Variants in GALNT16 observed in about 807,000 individuals in gnomAD.
GALNT16 encodes polypeptide N-acetylgalactosaminyltransferase 16, also known as UDP-GalNAc:polypeptide N-acetylgalactosaminyltransferase-like protein 1.
A neutral mutation model predicts 76.1 loss-of-function variants in GALNT16; 40 were observed. That is an observed-to-expected ratio of 0.53 (90% CI 0.41 to 0.68). The LOEUF is 0.68. Among genes scored for constraint, GALNT16 ranks in the 30% least tolerant of loss-of-function variants. The probability of loss-of-function intolerance (pLI) is 0.00; values close to 1 mark genes in which losing one functional copy is unlikely to be tolerated. For missense variants in GALNT16, 621 were observed against 731.9 expected, an observed-to-expected ratio of 0.85 and a Z score of 1.75; for synonymous variants, 276 against 285.2, an observed-to-expected ratio of 0.97 and a Z score of 0.32.
chr14:69,315,767 C>T (rs1488797554), intron 1 of GALNT16, among the ~76,000 whole-genome samples: 1 of 151,824 alleles, frequency 6.6e-6, no homozygotes, highest in Non-Finnish European at 1.5e-5. Flanking sequence ...TATCTCTGAA[C>T]TTTTGGTCAC....
chr14:69,281,288 G>A (rs2044538144), intron 1 of GALNT16, among the ~76,000 whole-genome samples: 2 of 152,132 alleles, frequency 1.3e-5, no homozygotes, highest in Non-Finnish European at 2.9e-5. Flanking sequence ...TCTCCATTTT[G>A]CAGATGAAAA....
downstream of GALNT16, chr14:69,357,088 G>T (rs1279332579): frequency 1.3e-5 from 2 of 152,204 alleles, no homozygotes; most frequent in Non-Finnish European, 2.9e-5. Context: ...GACAGAAACG[G>T]TCCCTGCCCT....
chr14:69,332,963 A>G, intron 7 of GALNT16, 122 bp from the exon 8 acceptor site: 1 of 743,896 alleles, frequency 1.3e-6, no homozygotes, highest in Non-Finnish European at 2.5e-6. Flanking sequence ...CGAATGAAGG[A>G]GGGACTGCAC....
At chr14:69,294,788 T>G (rs530175606) in intron 1 of GALNT16, among the ~76,000 whole-genome samples, 26 of 152,304 alleles carry the variant, frequency 1.7e-4, no homozygotes, top group Non-Finnish European at 2.6e-4. Context: ...CTCATCATGT[T>G]GCCCAGACTG....
At chr14:69,368,352 C>G in the GALNT16 span, among the ~76,000 whole-genome samples, 2 of 152,186 alleles carry the variant, frequency 1.3e-5, no homozygotes, top group African/African-American at 2.4e-5. Context: ...GGCTCAGAGA[C>G]TCTCATGAGG....
chr14:69,312,103 ATATC>A (rs1555399272), intron 1 of GALNT16, among the ~76,000 whole-genome samples: 9 of 147,884 alleles, frequency 6.1e-5, no homozygotes, highest in East Asian at 3.9e-4. Context: ...CTATCTATCT[ATATC>A]TATCTATCTG....
rs368357219 is a variant in GALNT16, at chr14:69,315,640, T to C, written c.178-5071T>C. On this transcript the variant is annotated intron_variant, in intron 1 of 14. Transcript: ENST00000448469. Reference sequence around the variant, plus strand: ...ACGGGCCTGATATTTTGGAATGGAGTGTTGACACCAGTGACTGTCATTGTT... The same window carrying C: ...ACGGGCCTGATATTTTGGAATGGAGCGTTGACACCAGTGACTGTCATTGTT... Among the ~76,000 whole-genome samples, 48 of 152,226 alleles carry C rather than the reference T, an allele frequency of 3.2e-4. 1 individual carries two copies. The South Asian group carries it at 1.0e-2, about 32-fold the overall frequency.
intron 1 of GALNT16, 127 bp from the exon 2 acceptor site, chr14:69,320,584 C>G: frequency 1.4e-6 from 1 of 704,104 alleles, no homozygotes; most frequent in South Asian, 1.9e-5. Flanking sequence ...TGGTCTCCTC[C>G]TCATAGAGTT....
chr14:69,322,979 T>TGTGTGTGC (rs2045220654), intron 2 of GALNT16, among the ~76,000 whole-genome samples: 1 of 31,744 alleles, frequency 3.2e-5, no homozygotes, highest in Non-Finnish European at 5.1e-5. Flanking sequence ...TGTGTGTGTG[T>TGTGTGTGC]GTGCGCGCGC....
the GALNT16 span, chr14:69,380,016 CTTCAAATTCTTT>C: frequency 6.6e-6 from 1 of 151,226 alleles, no homozygotes. Context: ...CTTAAACTTT[CTTCAAATTCTTT>C]GTGTAGCAGC....
chr14:69,288,260 C>T (rs2044642629), intron 1 of GALNT16, among the ~76,000 whole-genome samples: 1 of 152,158 alleles, frequency 6.6e-6, no homozygotes, highest in Non-Finnish European at 1.5e-5. Context: ...GAATCCAGGC[C>T]TCCTGGCTTC....
At chr14:69,375,179 A>AAGTCTCCTT in the GALNT16 span, among the ~76,000 whole-genome samples, 1 of 152,128 alleles carries the variant, frequency 6.6e-6, no homozygotes, top group East Asian at 1.9e-4. Context: ...CCTTGTTATG[A>AAGTCTCCTT]AGTCTCCTTG....
chr14:69,362,045 A>T, the GALNT16 span, among the ~76,000 whole-genome samples: 1 of 152,210 alleles, frequency 6.6e-6, no homozygotes, highest in Non-Finnish European at 1.5e-5. Flanking sequence ...AGGGCAGGAA[A>T]TTGGGAGCAC....
At position 69,260,454 on chromosome 14, in the gene GALNT16, C is replaced by T. The variant is rs1355553481; in HGVS notation, c.164C>T (p.Thr55Ile). 2 of 1,529,674 alleles carry T rather than the reference C, an allele frequency of 1.3e-6. No homozygotes were observed. The highest frequency in any genetic ancestry group is 1.8e-6 in the Non-Finnish European group (2 of 1,139,158). The allele number at this position is 1,529,674 out of a possible 1,614,324, so 94.8% of individuals were successfully genotyped here. The change falls in exon 1 of 15, where the codon ACC (threonine) becomes ATC (isoleucine). Residue 55 changes from threonine (T) to isoleucine (I), a missense_variant. Coordinates refer to ENST00000448469, the MANE Select transcript of GALNT16 (RefSeq NM_001168368.2). ...TCGGAGCAGCTCCGCGAGGACCGCACCATCCCGCTCATTGTGAGTACGCCC... is the reference window on the plus strand; with the variant it reads ...TCGGAGCAGCTCCGCGAGGACCGCATCATCCCGCTCATTGTGAGTACGCCC... ...RRSEQLREDR[T>I]IPLIVTGTPS...
At chr14:69,320,091 C>G (rs1751560) in intron 1 of GALNT16, among the ~76,000 whole-genome samples, 9,804 of 152,240 alleles carry the variant, frequency 0.064, 604 homozygotes, top group East Asian at 0.32. Context: ...ACTCACCCCC[C>G]CAATATCCCG....
At chr14:69,369,143 T>C in the GALNT16 span, among the ~76,000 whole-genome samples, 2,298 of 152,236 alleles carry the variant, frequency 0.015, 30 homozygotes, top group Non-Finnish European at 0.022. Context: ...TAGGAAACTA[T>C]TGCAGATGAT....
intron 9 of GALNT16, among the ~76,000 whole-genome samples, chr14:69,335,260 TG>T: frequency 6.6e-6 from 1 of 151,708 alleles, no homozygotes; most frequent in Non-Finnish European, 1.5e-5. Flanking sequence ...CCAGCTGGAG[TG>T]GGAATGGGCA....
At position 69,267,346 on chromosome 14, in the gene GALNT16, C is replaced by T. The variant is rs184566026; in HGVS notation, c.177+6879C>T. On this transcript the variant is annotated intron_variant, in intron 1 of 14. Transcript: ENST00000448469. ...GAGGGGGCGACTGGAAGAAGCTTGT[C>T]GATCATATTATATAGGCAAGATAAG... Among the ~76,000 whole-genome samples the T allele has an allele frequency of 8.2e-3, 1,248 of 152,250 alleles. 9 individuals carry two copies. Among genetic ancestry groups the T allele is most frequent in the Non-Finnish European group, 0.012 (830 of 68,012 alleles).
chr14:69,278,866 T>G (rs1279450875), intron 1 of GALNT16, among the ~76,000 whole-genome samples: 1 of 152,032 alleles, frequency 6.6e-6, no homozygotes, highest in Non-Finnish European at 1.5e-5. Context: ...AGACAGGATC[T>G]GACAGGGCTG....
Sources: allele counts gnomAD v4.1 joint callset (sites outside exome capture counted in the v4.1 genomes callset), GRCh38; gene constraint gnomAD v4.1.1; transcripts MANE v1.5; gene names NCBI Gene and HGNC (gene_info 2026-07-23, HGNC 2026-07-21).